The following MIS18A variants were observed in gnomAD, a reference collection of about 807,000 sequenced individuals.
The protein encoded by MIS18A is MIS18 kinetochore protein A.
In MIS18A, 14 loss-of-function variants were observed where a neutral mutation model predicts 25.0. The ratio of observed to expected loss-of-function variants is 0.56; its 90% CI spans 0.37 to 0.88. MIS18A has a LOEUF of 0.88. Ranked by LOEUF, MIS18A falls within the 40% of genes least tolerant of loss-of-function variation. The pLI is 0.00. For missense variants in MIS18A, 292 were observed against 290.8 expected, an observed-to-expected ratio of 1.00 and a Z score of -0.03; for synonymous variants, 134 against 118.6, an observed-to-expected ratio of 1.13 and a Z score of -0.84.
chr21:32,186,185 G>T, the MIS18A span, among the ~76,000 whole-genome samples: 25 of 152,316 alleles, frequency 1.6e-4, no homozygotes, highest in Middle Eastern at 3.4e-3. Context: ...TTGTGGCCTT[G>T]GACAGTAACT....
At chr21:32,216,028 A>G in the MIS18A span, among the ~76,000 whole-genome samples, 14 of 152,204 alleles carry the variant, frequency 9.2e-5, no homozygotes, top group Non-Finnish European at 1.8e-4. Flanking sequence ...GGTGGACTAA[A>G]GACCTCTAAA....
chr21:32,187,876 C>T, the MIS18A span, among the ~76,000 whole-genome samples: 8 of 152,120 alleles, frequency 5.3e-5, no homozygotes, highest in Non-Finnish European at 1.5e-5. Flanking sequence ...TTCCCAACCC[C>T]CAGTGTGATA....
At chr21:32,236,159 G>C in the MIS18A span, among the ~76,000 whole-genome samples, 1 of 151,872 alleles carries the variant, frequency 6.6e-6, no homozygotes, top group Admixed American at 6.6e-5. Context: ...TGGATCACGA[G>C]ATCAGGAGAT....
chr21:32,192,980 AG>A, the MIS18A span, among the ~76,000 whole-genome samples: 1 of 152,190 alleles, frequency 6.6e-6, no homozygotes. Flanking sequence ...TCAACATCAA[AG>A]GCTGCCTGTG....
At chr21:32,157,053 T>TC in the MIS18A span, among the ~76,000 whole-genome samples, 1 of 112,878 alleles carries the variant, frequency 8.9e-6, no homozygotes, top group Non-Finnish European at 1.9e-5. Context: ...TTTCTTTCTT[T>TC]CTTTTTTTTT....
chr21:32,248,212 C>T, the MIS18A span, among the ~76,000 whole-genome samples: 1 of 152,164 alleles, frequency 6.6e-6, no homozygotes, highest in African/African-American at 2.4e-5. Flanking sequence ...TTACTTGCAA[C>T]CCAAAAGACT....
At chr21:32,222,502 C>T in the MIS18A span, among the ~76,000 whole-genome samples, 3 of 152,280 alleles carry the variant, frequency 2.0e-5, no homozygotes, top group Admixed American at 6.5e-5. Flanking sequence ...GATCTCAGCA[C>T]GACATAGCAC....
chr21:32,257,453 G>A, the MIS18A span, among the ~76,000 whole-genome samples: 1 of 152,128 alleles, frequency 6.6e-6, no homozygotes, highest in Admixed American at 6.6e-5. Flanking sequence ...AGCAAATGTG[G>A]GCGGCTCTTC....
At chr21:32,206,862 C>T in the MIS18A span, among the ~76,000 whole-genome samples, 4 of 152,276 alleles carry the variant, frequency 2.6e-5, no homozygotes, top group Admixed American at 2.6e-4. Flanking sequence ...GTCTCTAGTG[C>T]CCAGCACCCA....
intron 3 of MIS18A, 26 bp downstream of exon 3, chr21:32,270,381 G>T: frequency 6.2e-7 from 1 of 1,612,820 alleles, no homozygotes; most frequent in Non-Finnish European, 8.5e-7. Flanking sequence ...CCAGTTGTGA[G>T]GTAAACATTT....
chr21:32,190,176 T>C, the MIS18A span, among the ~76,000 whole-genome samples: 1 of 152,180 alleles, frequency 6.6e-6, no homozygotes, highest in East Asian at 1.9e-4. Context: ...CTCTCCTAAA[T>C]GCAAACAGCA....
the MIS18A span, among the ~76,000 whole-genome samples, chr21:32,250,637 A>G: frequency 6.6e-6 from 1 of 152,188 alleles, no homozygotes; most frequent in South Asian, 2.1e-4. Context: ...TCATAGGTGG[A>G]TTGGACAGAT....
the MIS18A span, among the ~76,000 whole-genome samples, chr21:32,236,140 C>T: frequency 7.9e-5 from 12 of 151,818 alleles, no homozygotes; most frequent in Admixed American, 2.6e-4. Context: ...TTTGGGAGTC[C>T]GAGGTGGGTG....
chr21:32,254,938 A>AACT, the MIS18A span, among the ~76,000 whole-genome samples: 1 of 152,218 alleles, frequency 6.6e-6, no homozygotes, highest in South Asian at 2.1e-4. Flanking sequence ...TGGTTAAGTG[A>AACT]ACTATTCAAT....
chr21:32,168,981 C>A, the MIS18A span, among the ~76,000 whole-genome samples: 516 of 152,226 alleles, frequency 3.4e-3, 7 homozygotes, highest in Non-Finnish European at 3.5e-3. Context: ...TCCACTCCTC[C>A]ATAAAAGCGC....
the MIS18A span, among the ~76,000 whole-genome samples, chr21:32,247,082 A>G: frequency 6.6e-6 from 1 of 152,086 alleles, no homozygotes; most frequent in African/African-American, 2.4e-5. Context: ...CCAATTATTT[A>G]CCCTTCACTT....
chr21:32,182,140 C>T, the MIS18A span, among the ~76,000 whole-genome samples: 1 of 152,182 alleles, frequency 6.6e-6, no homozygotes, highest in Non-Finnish European at 1.5e-5. Context: ...AACCGCAAAT[C>T]AGGACTGGCA....
the MIS18A span, among the ~76,000 whole-genome samples, chr21:32,224,060 T>C: frequency 1.3e-5 from 2 of 152,186 alleles, no homozygotes; most frequent in African/African-American, 4.8e-5. Flanking sequence ...AGAAAAGCCC[T>C]TCAATAAAAT....
At chr21:32,255,762 G>A in the MIS18A span, among the ~76,000 whole-genome samples, 1 of 151,684 alleles carries the variant, frequency 6.6e-6, no homozygotes, top group Non-Finnish European at 1.5e-5. Flanking sequence ...GTGGCGGTGT[G>A]CGCCTGTAGT....
Sources: allele counts gnomAD v4.1 joint callset (sites outside exome capture counted in the v4.1 genomes callset), GRCh38; gene constraint gnomAD v4.1.1; transcripts MANE v1.5; gene names NCBI Gene and HGNC (gene_info 2026-07-23, HGNC 2026-07-21).